Variants in EXD3 observed in about 807,000 individuals in gnomAD.
EXD3 encodes exonuclease mut-7 homolog.
A neutral mutation model predicts 98.0 loss-of-function variants in EXD3; 92 were observed. The ratio of observed to expected loss-of-function variants is 0.94; its 90% confidence interval spans 0.79 to 1.12. The LOEUF is 1.12. Ranked by LOEUF, EXD3 falls within the 50% of genes most tolerant of loss-of-function variation. The pLI, the probability that EXD3 is intolerant of heterozygous loss-of-function variation, is 0.00. For missense variants in EXD3, 1,222 were observed against 1,191.6 expected (o/e 1.03, Z -0.38); for synonymous variants, 569 against 526.0 (o/e 1.08, Z -1.12).
At chr9:137,410,441 C>T (rs1028889660) in intron 1 of EXD3, among the ~76,000 whole-genome samples, 3 of 149,066 alleles carry the variant, frequency 2.0e-5, no homozygotes, top group Non-Finnish European at 4.4e-5. Context: ...GCTGAGATTG[C>T]ACCACCGCAT....
intron 9 of EXD3, 155 bp downstream of exon 9, chr9:137,354,545 A>G (rs771692661): frequency 6.5e-7 from 1 of 1,535,792 alleles, no homozygotes; most frequent in South Asian, 1.2e-5. Flanking sequence ...CCTCCCCTTC[A>G]CCCAGGCCTG....
chr9:137,414,975 C>T (rs1838169995), intron 1 of EXD3, among the ~76,000 whole-genome samples: 1 of 152,112 alleles, frequency 6.6e-6, no homozygotes, highest in Non-Finnish European at 1.5e-5. Flanking sequence ...GCAAGCTTTG[C>T]CTCCAGGGTT....
chr9:137,330,211 G>A (rs920568369), intron 17 of EXD3, among the ~76,000 whole-genome samples: 3 of 143,854 alleles, frequency 2.1e-5, no homozygotes, highest in Non-Finnish European at 4.5e-5. Flanking sequence ...GACTACACAG[G>A]AGCTACACAG....
At chr9:137,352,529 T>C (rs1313838859) in intron 11 of EXD3, 91 bp downstream of exon 11, 2 of 1,252,204 alleles carry the variant, frequency 1.6e-6, no homozygotes, top group African/African-American at 1.5e-5. Context: ...CTCAAGCCAC[T>C]GGCGTGAAGA....
chr9:137,398,860 G>T (rs566434234), intron 1 of EXD3, among the ~76,000 whole-genome samples: 149 of 137,634 alleles, frequency 1.1e-3, no homozygotes, highest in Non-Finnish European at 1.2e-3. Flanking sequence ...AAGACACACA[G>T]GCACCCGCGT....
In EXD3 at chr9:137,365,652, TACACACACCACACGC is replaced by T. The variant is rs893031871; in HGVS notation, c.656+826_656+840del. On this transcript the variant is annotated intron_variant, in intron 7 of 21. Transcript: ENST00000340951. ...ACACACACGTGCACACACATACATGTACACACACCACACGCACACACATGCACAGGCACACATGCA... is the reference window on the plus strand; with the variant it reads ...ACACACACGTGCACACACATACATGTACACACATGCACAGGCACACATGCA... The T allele has an allele frequency of 5.6e-5, 11 of 197,182 alleles. 1 individual carries two copies. The highest frequency in any genetic ancestry group is 3.2e-4 in the African/African-American group (11 of 34,386). 12.2% of individuals were successfully genotyped at this position (197,182 alleles called of 1,614,324 possible). A position where few individuals can be genotyped will look rare whatever the true frequency, so the allele number is the denominator to read the frequency against.
chr9:137,422,319 GC>G (rs1247951341), intron 1 of EXD3, among the ~76,000 whole-genome samples: 1 of 152,094 alleles, frequency 6.6e-6, no homozygotes, highest in East Asian at 1.9e-4. Flanking sequence ...GGAATGTAAA[GC>G]CCTTTTAAAC....
chr9:137,419,284 C>T (rs1564226781), intron 1 of EXD3, among the ~76,000 whole-genome samples: 1 of 152,222 alleles, frequency 6.6e-6, no homozygotes, highest in Non-Finnish European at 1.5e-5. Context: ...TCAGAAGTAA[C>T]CAAATTCCCT....
rs769425561 is a variant in EXD3, at chr9:137,349,344, C to A, written c.1657+25G>T. 2 of 1,555,618 alleles carry A rather than the reference C, an allele frequency of 1.3e-6. No individual in the cohort carries two copies. The highest frequency in any genetic ancestry group is 2.3e-5 in the East Asian group (1 of 42,720). On this transcript the variant is annotated intron_variant, in intron 15 of 21. Transcript: ENST00000340951. The surrounding 1 kb of genome is among the most constrained non-coding windows in gnomAD (Gnocchi z 7.4). Reference sequence around the variant, plus strand: ...GGGCGGGAGGGGCGTGAGGAGGGGTCACTCCCACCCGCCGCACCGCACACC... The same window carrying A: ...GGGCGGGAGGGGCGTGAGGAGGGGTAACTCCCACCCGCCGCACCGCACACC...
intron 3 of EXD3, chr9:137,374,850 A>G: frequency 1.0e-6 from 1 of 985,522 alleles, no homozygotes; most frequent in Non-Finnish European, 1.2e-6. Flanking sequence ...AGCTCCAGGA[A>G]CTTAGTCCTA....
chr9:137,335,525 A>G (rs1214732187), intron 17 of EXD3, among the ~76,000 whole-genome samples: 3 of 152,096 alleles, frequency 2.0e-5, no homozygotes, highest in Non-Finnish European at 2.9e-5. Context: ...CTAAAAATAC[A>G]AAAAATTAGC....
chr9:137,416,184 C>G (rs1367309127), intron 1 of EXD3, among the ~76,000 whole-genome samples: 1 of 152,236 alleles, frequency 6.6e-6, no homozygotes, highest in African/African-American at 2.4e-5. Flanking sequence ...AGGGCTTTCG[C>G]TCTTCTGCAG....
Position 137,375,091 on chromosome 9 carries a change from C to T in EXD3, c.121-1492G>A, listed in dbSNP as rs905240609. ...TGGCGCGATCTCGACTCACTGCAAGCTCCGCCTCCCGGGTTCACGCCATTC... is the reference window on the plus strand; with the variant it reads ...TGGCGCGATCTCGACTCACTGCAAGTTCCGCCTCCCGGGTTCACGCCATTC... On this transcript the variant is annotated intron_variant, in intron 3 of 21. Transcript: ENST00000340951. 4.6e-5 allele frequency among the ~76,000 whole-genome samples: 7 copies of T among 152,180 alleles called. No homozygotes were observed. In the South Asian group the frequency reaches 1.2e-3, roughly 27 times the overall value.
chr9:137,319,383 T>C (rs1356619866), intron 19 of EXD3, among the ~76,000 whole-genome samples: 1 of 152,152 alleles, frequency 6.6e-6, no homozygotes, highest in Non-Finnish European at 1.5e-5. Context: ...GCCCTGAGGA[T>C]GGGCCTCTCT....
chr9:137,341,054 A>G (rs151335579), intron 17 of EXD3, among the ~76,000 whole-genome samples: 1 of 152,276 alleles, frequency 6.6e-6, no homozygotes, highest in East Asian at 1.9e-4. Flanking sequence ...GGTGGCTCAC[A>G]CCTGTAATCC....
intron 17 of EXD3, among the ~76,000 whole-genome samples, chr9:137,325,475 C>A (rs1832346747): frequency 6.6e-6 from 1 of 152,096 alleles, no homozygotes. Context: ...CTGTGTCGCC[C>A]AGGCTGGAGT....
At chr9:137,307,291 G>A in intron 21 of EXD3, 28 bp from the exon 22 acceptor site, 6 of 1,461,918 alleles carry the variant, frequency 4.1e-6, no homozygotes, top group Non-Finnish European at 5.4e-6. Context: ...GACTCCCTGA[G>A]CCCTCAGCCT....
chr9:137,404,391 A>G (rs1383968381), intron 1 of EXD3, among the ~76,000 whole-genome samples: 4 of 152,192 alleles, frequency 2.6e-5, no homozygotes, highest in Non-Finnish European at 5.9e-5. Flanking sequence ...CATCTCCCAG[A>G]TGAGAAAACT....
At position 137,390,157 on chromosome 9, in the gene EXD3, G is replaced by A. The variant is rs1396968171; in HGVS notation, c.55+5146C>T. 1.2e-4 allele frequency among the ~76,000 whole-genome samples: 16 copies of A among 138,540 alleles called. No homozygotes were observed. In the South Asian group the frequency reaches 1.2e-3, roughly 10 times the overall value. The allele number at this position is 138,540 out of a possible 152,430, so 90.9% of individuals were successfully genotyped here. On this transcript the variant is annotated intron_variant, in intron 2 of 21. Transcript: ENST00000340951. ...AAAAAAAAAAAAAAAATGGCCGGGC[G>A]CGGTGGCTCACACCTGTAATCCCAG...
Sources: gnomAD v4.1 joint callset for allele counts (sites outside exome capture counted in the v4.1 genomes callset) on GRCh38, gnomAD v4.1.1 for gene constraint, Gnocchi (gnomAD v3.1) non-coding constraint, MANE v1.5 for transcripts, NCBI Gene and HGNC (gene_info 2026-07-23, HGNC 2026-07-21) for gene names.